Variants in CDH13 observed in about 807,000 individuals in gnomAD.
CDH13 encodes cadherin-13.
Under a neutral mutation model 63.8 loss-of-function variants are expected in CDH13, and 24 were observed. That is an observed-to-expected ratio of 0.38 (90% CI 0.27 to 0.53). The LOEUF is 0.53. Among genes scored for constraint, CDH13 ranks in the 20% least tolerant of loss-of-function variants. The probability of loss-of-function intolerance (pLI) is 0.85; values close to 1 mark genes in which losing one functional copy is unlikely to be tolerated. For synonymous variants in CDH13, 503 were observed against 355.3 expected (o/e 1.42, Z -4.67); for missense variants, 1,049 against 903.1 (o/e 1.16, Z -2.07).
intron 3 of CDH13, among the ~76,000 whole-genome samples, chr16:83,098,369 T>C (rs1461335471): frequency 6.6e-6 from 1 of 152,200 alleles, no homozygotes; most frequent in Non-Finnish European, 1.5e-5. Context: ...TGCTATTATT[T>C]TTTACTTTAA....
intron 7 of CDH13, among the ~76,000 whole-genome samples, chr16:83,587,240 C>T (rs751892611): frequency 3.9e-5 from 6 of 152,138 alleles, no homozygotes; most frequent in Non-Finnish European, 7.3e-5. Flanking sequence ...CTCAGCAAAG[C>T]CAACTTTGAT....
chr16:83,289,308 A>G (rs1432621684), intron 5 of CDH13, among the ~76,000 whole-genome samples: 1 of 152,126 alleles, frequency 6.6e-6, no homozygotes, highest in Non-Finnish European at 1.5e-5. Context: ...AATCTCATGT[A>G]TTTTTGGTAT....
At chr16:83,007,167 C>T (rs1913612706) in intron 2 of CDH13, among the ~76,000 whole-genome samples, 1 of 152,072 alleles carries the variant, frequency 6.6e-6, no homozygotes, top group Non-Finnish European at 1.5e-5. Context: ...GGTGATCTGC[C>T]CACCTCGGCC....
intron 7 of CDH13, among the ~76,000 whole-genome samples, chr16:83,508,055 A>AGAAGGAAGGAAGGAAGGAAG (rs370660181): frequency 0.033 from 1,920 of 58,256 alleles, 113 homozygotes; most frequent in Admixed American, 0.05. Flanking sequence ...GAGAAAGAGA[A>AGAAGGAAGGAAGGAAGGAAG]GAAGGAAGGA....
At chr16:83,484,041 C>A (rs748875393) in intron 6 of CDH13, among the ~76,000 whole-genome samples, 1 of 152,182 alleles carries the variant, frequency 6.6e-6, no homozygotes, top group Non-Finnish European at 1.5e-5. Context: ...GGAAGTGCAC[C>A]TTGAAGCATG....
chr16:83,375,154 T>C (rs572253735), intron 6 of CDH13, among the ~76,000 whole-genome samples: 1 of 152,366 alleles, frequency 6.6e-6, no homozygotes, highest in South Asian at 2.1e-4. Flanking sequence ...TTGGTTTCAC[T>C]GTACTACTCT....
chr16:83,781,308 C>T (rs890621683), intron 12 of CDH13, among the ~76,000 whole-genome samples: 3 of 152,126 alleles, frequency 2.0e-5, no homozygotes, highest in African/African-American at 7.2e-5. Flanking sequence ...ACCTTGTCTT[C>T]CAATAAAGTA....
At chr16:83,048,874 C>T (rs9788896) in intron 3 of CDH13, among the ~76,000 whole-genome samples, 94,723 of 152,012 alleles carry the variant, frequency 0.62, 29,900 homozygotes, top group East Asian at 0.84. Context: ...ATCGCTGCCT[C>T]CCTTCCCCAG....
intron 2 of CDH13, among the ~76,000 whole-genome samples, chr16:83,005,105 T>A (rs1205868747): frequency 1.3e-5 from 2 of 152,276 alleles, no homozygotes; most frequent in East Asian, 3.9e-4. Flanking sequence ...GAAGTGTAGT[T>A]TCTAACTAAG....
intron 2 of CDH13, among the ~76,000 whole-genome samples, chr16:83,010,659 A>G (rs145546064): frequency 3.8e-4 from 58 of 152,306 alleles, no homozygotes; most frequent in Non-Finnish European, 6.6e-4. Context: ...ATCTGCTGCA[A>G]ACAGGGCTGA....
intron 4 of CDH13, among the ~76,000 whole-genome samples, chr16:83,171,091 G>A (rs945933207): frequency 2.0e-5 from 3 of 151,992 alleles, no homozygotes; most frequent in East Asian, 1.9e-4. Context: ...GGTTTAATTC[G>A]CTCGTGGTTC....
chr16:82,648,800 C>T lies in CDH13; in HGVS notation c.45+21663C>T, dbSNP rs79729171. Among the ~76,000 whole-genome samples, 390 of 152,168 alleles carry T rather than the reference C, an allele frequency of 2.6e-3. 2 individuals are homozygous for T. The highest frequency in any genetic ancestry group is 9.0e-3 in the African/African-American group (374 of 41,528). ...CTTCTAAAAAATAGGTGGTAAGACC[C>T]AGTGAAAGTTTTAAAGAAGGGAATA... is the stretch of plus-strand genomic sequence containing the variant. On this transcript the variant is annotated intron_variant, in intron 1 of 13. Transcript: ENST00000567109.
chr16:83,646,949 G>A lies in CDH13; in HGVS notation c.1102-23841G>A, dbSNP rs188215267. Among the ~76,000 whole-genome samples, 27 of 151,810 alleles carry A rather than the reference G, an allele frequency of 1.8e-4. 1 individual carries two copies. The South Asian group carries it at 3.8e-3, about 21-fold the overall frequency. On this transcript the variant is annotated intron_variant, in intron 8 of 13. Transcript: ENST00000567109. ...CACATCACAGCATCATTTACGTTTT[G>A]TCCTTTCCTGGAGGTCTACACCAGG...
chr16:83,198,434 T>A (rs1433957164), intron 4 of CDH13, among the ~76,000 whole-genome samples: 2 of 152,092 alleles, frequency 1.3e-5, no homozygotes, highest in African/African-American at 4.8e-5. Flanking sequence ...GAAGACATAA[T>A]GAACTTTTGT....
intron 1 of CDH13, among the ~76,000 whole-genome samples, chr16:82,685,286 G>C (rs1370979679): frequency 6.6e-6 from 1 of 152,196 alleles, no homozygotes. Context: ...TGTCTGGTGA[G>C]GTCCCGCTTT....
intron 2 of CDH13, among the ~76,000 whole-genome samples, chr16:82,871,812 T>C (rs1170172604): frequency 2.6e-5 from 4 of 152,174 alleles, no homozygotes; most frequent in Non-Finnish European, 5.9e-5. Context: ...TTCTATAATA[T>C]TGATCTCAAT....
At chr16:82,865,619 A>C (rs903210045) in intron 2 of CDH13, among the ~76,000 whole-genome samples, 5 of 152,116 alleles carry the variant, frequency 3.3e-5, no homozygotes, top group Non-Finnish European at 7.3e-5. Context: ...GGCCCATGAG[A>C]CCATTTTTTC....
At chr16:83,625,697 C>T (rs1373431878) in intron 8 of CDH13, among the ~76,000 whole-genome samples, 1 of 152,230 alleles carries the variant, frequency 6.6e-6, no homozygotes, top group Non-Finnish European at 1.5e-5. Context: ...GACCCATCGT[C>T]CCCTGAGGGA....
chr16:83,728,342 C>CGTGT (rs145865689), intron 10 of CDH13, among the ~76,000 whole-genome samples: 6,568 of 149,304 alleles, frequency 0.044, 367 homozygotes, highest in African/African-American at 0.13. Context: ...TATGTGTGTG[C>CGTGT]GTGTGTGTGT....
Sources: allele counts gnomAD v4.1 joint callset (sites outside exome capture counted in the v4.1 genomes callset), GRCh38; gene constraint gnomAD v4.1.1; transcripts MANE v1.5; gene names NCBI Gene and HGNC (gene_info 2026-07-23, HGNC 2026-07-21).